The following POU6F2 variants were observed in gnomAD, a reference collection of about 807,000 sequenced individuals.
POU6F2 encodes the protein POU domain, class 6, transcription factor 2.
In POU6F2, 31 loss-of-function variants were observed where a neutral mutation model predicts 71.3. That is an observed-to-expected ratio of 0.43 (90% CI 0.33 to 0.59). POU6F2 has a LOEUF of 0.59. Among genes scored for constraint, POU6F2 ranks in the 20% least tolerant of loss-of-function variants. The probability of loss-of-function intolerance (pLI) is 0.04; values close to 1 mark genes in which losing one functional copy is unlikely to be tolerated. For synonymous variants in POU6F2, 347 were observed against 355.7 expected, an observed-to-expected ratio of 0.98 and a Z score of 0.27; for missense variants, 783 against 856.8, an observed-to-expected ratio of 0.91 and a Z score of 1.07.
At chr7:39,449,351 G>A (rs571887328) in intron 7 of POU6F2, among the ~76,000 whole-genome samples, 1 of 152,296 alleles carries the variant, frequency 6.6e-6, no homozygotes, top group South Asian at 2.1e-4. Flanking sequence ...AGCTCCTTAA[G>A]CACATTTCTG....
chr7:39,236,599 T>C (rs2128750775), intron 4 of POU6F2, among the ~76,000 whole-genome samples: 1 of 152,310 alleles, frequency 6.6e-6, no homozygotes, highest in South Asian at 2.1e-4. Context: ...TGATATATTG[T>C]CCTGGTGGAA....
At chr7:39,254,976 A>C (rs1158619399) in intron 4 of POU6F2, among the ~76,000 whole-genome samples, 1 of 152,224 alleles carries the variant, frequency 6.6e-6, no homozygotes, top group African/African-American at 2.4e-5. Flanking sequence ...AGATTAATCT[A>C]AGAGAATGTA....
At chr7:39,015,691 T>G (rs372015922) in intron 1 of POU6F2, among the ~76,000 whole-genome samples, 16 of 84,282 alleles carry the variant, frequency 1.9e-4, no homozygotes, top group African/African-American at 5.5e-4. Context: ...GTTATATATC[T>G]ATATATTATA....
At chr7:39,054,883 A>C (rs1012646538) in intron 1 of POU6F2, among the ~76,000 whole-genome samples, 1 of 152,034 alleles carries the variant, frequency 6.6e-6, no homozygotes, top group African/African-American at 2.4e-5. Context: ...AAGCTGCAGA[A>C]GTTGAGGATA....
intron 2 of POU6F2, among the ~76,000 whole-genome samples, chr7:39,104,634 A>C (rs768557301): frequency 1.5e-4 from 23 of 152,228 alleles, no homozygotes; most frequent in Non-Finnish European, 3.4e-4. Context: ...AGTCAACAGC[A>C]TCATTTCCAC....
intron 8 of POU6F2, among the ~76,000 whole-genome samples, chr7:39,452,961 A>G (rs1458953997): frequency 6.6e-6 from 1 of 152,138 alleles, no homozygotes; most frequent in Non-Finnish European, 1.5e-5. Context: ...GCGTGGTGGC[A>G]TGTGCCTGTA....
At chr7:39,400,134 C>G (rs184114031) in intron 5 of POU6F2, among the ~76,000 whole-genome samples, 5 of 152,308 alleles carry the variant, frequency 3.3e-5, no homozygotes, top group South Asian at 2.1e-4. Context: ...CCCATAGTCA[C>G]AGGGTTTGGC....
chr7:39,081,006 A>G (rs1791108327), intron 1 of POU6F2, among the ~76,000 whole-genome samples: 1 of 152,180 alleles, frequency 6.6e-6, no homozygotes, highest in Non-Finnish European at 1.5e-5. Flanking sequence ...ACAGTACCCC[A>G]TATCTACTCT....
intron 1 of POU6F2, among the ~76,000 whole-genome samples, chr7:39,010,211 G>T (rs1271043512): frequency 1.5e-5 from 2 of 135,916 alleles, no homozygotes; most frequent in Non-Finnish European, 3.3e-5. Context: ...TCCTGTTATT[G>T]GTCTATTCAG....
At chr7:39,255,627 A>C (rs1398814124) in intron 4 of POU6F2, among the ~76,000 whole-genome samples, 2 of 152,232 alleles carry the variant, frequency 1.3e-5, no homozygotes, top group Non-Finnish European at 2.9e-5. Context: ...TTATTTAAAA[A>C]TTAAGTGAGC....
At chr7:39,218,076 C>G (rs1794276797) in intron 4 of POU6F2, among the ~76,000 whole-genome samples, 2 of 152,126 alleles carry the variant, frequency 1.3e-5, no homozygotes, top group Admixed American at 1.3e-4. Flanking sequence ...ATCAGGGCTT[C>G]TGATGGAACC....
intron 2 of POU6F2, among the ~76,000 whole-genome samples, chr7:39,149,667 C>T (rs1792703261): frequency 6.6e-6 from 1 of 152,122 alleles, no homozygotes; most frequent in Non-Finnish European, 1.5e-5. Flanking sequence ...CCACATCTCC[C>T]CATTTCCTCA....
At chr7:39,424,092 C>T (rs141927937) in intron 6 of POU6F2, among the ~76,000 whole-genome samples, 1,616 of 152,340 alleles carry the variant, frequency 0.011, 32 homozygotes, top group African/African-American at 0.037. Context: ...TATCTTCTTG[C>T]TGTGTCCTTA....
chr7:39,346,686 C>T (rs1405964240), intron 5 of POU6F2, among the ~76,000 whole-genome samples: 3 of 152,206 alleles, frequency 2.0e-5, no homozygotes, highest in African/African-American at 4.8e-5. Flanking sequence ...CAAAATATGC[C>T]GGCTGGCACT....
At chr7:39,395,225 T>C (rs1787150192) in intron 5 of POU6F2, among the ~76,000 whole-genome samples, 1 of 152,146 alleles carries the variant, frequency 6.6e-6, no homozygotes, top group Admixed American at 6.5e-5. Flanking sequence ...AGCACGTGCC[T>C]TACCCCATAA....
At position 39,343,940 on chromosome 7, in the gene POU6F2, G is replaced by C. The variant is rs529403595; in HGVS notation, c.972+3925G>C. ...TCAGCTGGGTGGCAGAGTGAAAAGAGAGTGGAGGACAAACATAAGTGGGAT... is the reference window on the plus strand; with the variant it reads ...TCAGCTGGGTGGCAGAGTGAAAAGACAGTGGAGGACAAACATAAGTGGGAT... On this transcript the variant is annotated intron_variant, in intron 5 of 9. Coordinates refer to ENST00000518318, the MANE Select transcript of POU6F2 (RefSeq NM_001370959.1). Among the ~76,000 whole-genome samples the C allele has an allele frequency of 7.9e-5, 12 of 152,310 alleles. No individual in the cohort carries two copies. In the South Asian group the frequency reaches 1.7e-3, roughly 21 times the overall value.
intron 1 of POU6F2, among the ~76,000 whole-genome samples, chr7:39,007,480 G>C (rs1789106716): frequency 6.6e-6 from 1 of 152,130 alleles, no homozygotes; most frequent in African/African-American, 2.4e-5. Context: ...TCTAGGAACA[G>C]AATTTATCTC....
intron 2 of POU6F2, among the ~76,000 whole-genome samples, chr7:39,152,890 C>T (rs1187369974): frequency 6.6e-6 from 1 of 152,152 alleles, no homozygotes; most frequent in African/African-American, 2.4e-5. Context: ...TCAAATCAAC[C>T]TAGTGCTGCC....
intron 2 of POU6F2, among the ~76,000 whole-genome samples, chr7:39,172,168 C>T (rs1562732932): frequency 6.6e-6 from 1 of 152,146 alleles, no homozygotes; most frequent in Non-Finnish European, 1.5e-5. Context: ...TTTTTCTTTG[C>T]ACATTTGTGT....
Sources: allele counts gnomAD v4.1 joint callset (sites outside exome capture counted in the v4.1 genomes callset), GRCh38; gene constraint gnomAD v4.1.1; transcripts MANE v1.5; gene names NCBI Gene and HGNC (gene_info 2026-07-23, HGNC 2026-07-21).